The following CIRSR variants were observed in gnomAD, a reference collection of about 807,000 sequenced individuals.
CIRSR encodes the protein corepressor of RBPJ and splicing regulator.
chr2:174,387,672 C>T, the CIRSR span: 35 of 1,573,216 alleles, frequency 2.2e-5, no homozygotes, highest in African/African-American at 4.1e-4. Flanking sequence ...ACTGGCATAA[C>T]AGAATTTCTT....
At chr2:174,354,926 T>C in the CIRSR span, among the ~76,000 whole-genome samples, 1 of 149,888 alleles carries the variant, frequency 6.7e-6, no homozygotes, top group African/African-American at 2.5e-5. Flanking sequence ...ATGACTATCT[T>C]ACGGTACTTT....
the CIRSR span, chr2:174,379,091 C>A: frequency 2.4e-6 from 3 of 1,269,734 alleles, no homozygotes; most frequent in Non-Finnish European, 3.5e-6. Flanking sequence ...AGAATCTAAC[C>A]AATGTTCAAA....
the CIRSR span, among the ~76,000 whole-genome samples, chr2:174,372,263 T>C: frequency 6.6e-6 from 1 of 152,186 alleles, no homozygotes; most frequent in Non-Finnish European, 1.5e-5. Flanking sequence ...GTAATGTACC[T>C]TCACTAATGG....
chr2:174,350,591 A>G, the CIRSR span: 5 of 948,658 alleles, frequency 5.3e-6, no homozygotes, highest in Non-Finnish European at 7.8e-6. Flanking sequence ...TTAGGATCAG[A>G]GTTGAATACG....
At chr2:174,378,215 T>C in the CIRSR span, among the ~76,000 whole-genome samples, 1 of 152,230 alleles carries the variant, frequency 6.6e-6, no homozygotes, top group African/African-American at 2.4e-5. Context: ...CTCTGAGTTA[T>C]ACTATCACCC....
chr2:174,365,964 A>G, the CIRSR span, among the ~76,000 whole-genome samples: 1 of 152,242 alleles, frequency 6.6e-6, no homozygotes, highest in East Asian at 1.9e-4. Context: ...TAAGGGCTCT[A>G]ATGGAAAAAC....
chr2:174,354,429 ATG>A, the CIRSR span, among the ~76,000 whole-genome samples: 4 of 50,766 alleles, frequency 7.9e-5, no homozygotes, highest in Non-Finnish European at 1.2e-4. Context: ...TATATATTAT[ATG>A]ATATATATAA....
At chr2:174,360,942 TA>T in the CIRSR span, among the ~76,000 whole-genome samples, 2 of 152,248 alleles carry the variant, frequency 1.3e-5, no homozygotes, top group African/African-American at 2.4e-5. Context: ...CAAGTTTTAC[TA>T]AAATACCTTG....
the CIRSR span, among the ~76,000 whole-genome samples, chr2:174,354,049 A>T: frequency 3.3e-5 from 5 of 152,102 alleles, no homozygotes; most frequent in Admixed American, 6.6e-5. Flanking sequence ...TTTTAATAAG[A>T]TGTTATAGAA....
the CIRSR span, chr2:174,378,853 A>G: frequency 8.9e-7 from 1 of 1,124,848 alleles, no homozygotes; most frequent in African/African-American, 1.5e-5. Context: ...ACCCAGAAAG[A>G]GTAAAGAAAA....
At chr2:174,353,640 G>C in the CIRSR span, among the ~76,000 whole-genome samples, 7,459 of 152,200 alleles carry the variant, frequency 0.049, 209 homozygotes, top group Middle Eastern at 0.14. Flanking sequence ...GCTAATTTTC[G>C]TATTTGTAGT....
the CIRSR span, among the ~76,000 whole-genome samples, chr2:174,390,972 T>C: frequency 6.6e-6 from 1 of 152,218 alleles, no homozygotes; most frequent in Non-Finnish European, 1.5e-5. Flanking sequence ...CAGTCTCAGG[T>C]ATTTCTTCAT....
the CIRSR span, chr2:174,351,530 T>C: frequency 9.6e-7 from 1 of 1,043,608 alleles, no homozygotes; most frequent in Non-Finnish European, 1.5e-6. Context: ...TATGGATATA[T>C]GCATATTGGA....
chr2:174,348,754 G>C, the CIRSR span: 10 of 1,613,966 alleles, frequency 6.2e-6, no homozygotes, highest in African/African-American at 1.2e-4. Context: ...CTCTTCTCTG[G>C]GCTATGTTTA....
the CIRSR span, chr2:174,348,872 G>A: frequency 1.2e-6 from 2 of 1,614,196 alleles, no homozygotes; most frequent in African/African-American, 1.3e-5. Flanking sequence ...CCCGGTTATG[G>A]TGACTGCTAG....
the CIRSR span, among the ~76,000 whole-genome samples, chr2:174,362,966 C>A: frequency 6.6e-6 from 1 of 152,220 alleles, no homozygotes; most frequent in African/African-American, 2.4e-5. Context: ...AGAGTCTCCA[C>A]CAGGTTCTCA....
the CIRSR span, among the ~76,000 whole-genome samples, chr2:174,364,627 C>T: frequency 6.6e-6 from 1 of 152,210 alleles, no homozygotes; most frequent in African/African-American, 2.4e-5. Context: ...GGTGGAGGTT[C>T]CCAAATCTCA....
At chr2:174,385,833 C>A in the CIRSR span, among the ~76,000 whole-genome samples, 87 of 152,078 alleles carry the variant, frequency 5.7e-4, no homozygotes, top group Non-Finnish European at 8.2e-4. Context: ...TTCTTCCTTA[C>A]AGAGGAATTC....
At chr2:174,387,677 T>C in the CIRSR span, 1 of 1,577,054 alleles carries the variant, frequency 6.3e-7, no homozygotes, top group Non-Finnish European at 8.6e-7. Context: ...CATAACAGAA[T>C]TTCTTACCTA....
Sources: allele counts gnomAD v4.1 joint callset (sites outside exome capture counted in the v4.1 genomes callset), GRCh38; gene constraint gnomAD v4.1.1; transcripts MANE v1.5; gene names NCBI Gene and HGNC (gene_info 2026-07-23, HGNC 2026-07-21).